SGCD: variants seen among roughly 807,000 people sequenced by gnomAD.
SGCD encodes delta-sarcoglycan.
A neutral mutation model predicts 36.6 loss-of-function variants in SGCD; 18 were observed. The ratio of observed to expected loss-of-function variants is 0.49; its 90% CI spans 0.34 to 0.73. The LOEUF (loss-of-function observed/expected upper bound fraction) is 0.73, where lower values mean the gene tolerates loss of function less well. SGCD is among the 30% of genes least tolerant of loss of function. The pLI is 0.01. For missense variants in SGCD, 387 were observed against 346.7 expected (o/e 1.12, Z -0.92); for synonymous variants, 133 against 130.6 (o/e 1.02, Z -0.12).
chr5:156,699,130 A>C (rs1754432769), intron 7 of SGCD, among the ~76,000 whole-genome samples: 1 of 152,192 alleles, frequency 6.6e-6, no homozygotes, highest in Non-Finnish European at 1.5e-5. Context: ...TTAGTGAAAG[A>C]GAGTTAAGGA....
the SGCD span, among the ~76,000 whole-genome samples, chr5:155,855,890 A>G: frequency 6.6e-6 from 1 of 152,144 alleles, no homozygotes. Context: ...TTTAGCAGGT[A>G]AGTACATTAA....
chr5:156,716,159 A>G (rs551918884), intron 7 of SGCD, among the ~76,000 whole-genome samples: 2 of 152,330 alleles, frequency 1.3e-5, no homozygotes, highest in South Asian at 2.1e-4. Flanking sequence ...ATACCCTGAC[A>G]TAAAATTCTG....
chr5:156,482,530 T>C (rs897508643), intron 3 of SGCD, among the ~76,000 whole-genome samples: 2 of 152,170 alleles, frequency 1.3e-5, no homozygotes, highest in Non-Finnish European at 2.9e-5. Context: ...ATCTCAAAAA[T>C]AGGGACAGTA....
chr5:156,567,393 G>A (rs1039910958), intron 4 of SGCD, among the ~76,000 whole-genome samples: 1 of 137,308 alleles, frequency 7.3e-6, no homozygotes, highest in African/African-American at 2.5e-5. Flanking sequence ...TAGATAGATA[G>A]ATAGATAGAT....
intron 3 of SGCD, among the ~76,000 whole-genome samples, chr5:156,412,614 A>G (rs1009771776): frequency 2.8e-4 from 43 of 152,234 alleles, no homozygotes; most frequent in African/African-American, 9.4e-4. Flanking sequence ...CATAGGTGCC[A>G]GTACTCAAAT....
At chr5:155,817,779 C>T in the SGCD span, among the ~76,000 whole-genome samples, 1 of 152,132 alleles carries the variant, frequency 6.6e-6, no homozygotes, top group South Asian at 2.1e-4. Flanking sequence ...GCTGCTGTCT[C>T]CGGTTGAAAC....
intron 1 of SGCD, among the ~76,000 whole-genome samples, chr5:155,993,504 C>A (rs1758477857): frequency 6.6e-6 from 1 of 151,962 alleles, no homozygotes; most frequent in Non-Finnish European, 1.5e-5. Context: ...CCACCACAGC[C>A]AGCTAATTTT....
intron 3 of SGCD, among the ~76,000 whole-genome samples, chr5:156,199,516 T>C (rs1171080121): frequency 2.0e-5 from 3 of 152,090 alleles, no homozygotes; most frequent in Non-Finnish European, 4.4e-5. Context: ...TTAGTAATGG[T>C]AGTAGAAGCA....
In SGCD at chr5:156,044,297, A is replaced by C. The variant is rs182731694; in HGVS notation, c.-281-73581A>C. ...GGCTGTTGAATGGAGTAAAATCAAA[A>C]AGTTGTATTTCTGTTTTGGCCCTAC... On this transcript the variant is annotated intron_variant, in intron 1 of 9. Transcript: ENST00000517913. Among the ~76,000 whole-genome samples, 90 of 152,252 alleles carry C rather than the reference A, an allele frequency of 5.9e-4. 1 individual carries two copies. The highest frequency in any genetic ancestry group is 2.1e-3 in the African/African-American group (87 of 41,550).
chr5:156,667,392 C>T lies in SGCD; in HGVS notation c.575+19856C>T, dbSNP rs142943755. ...TTCTCCCTTTTGAACAGTTTGCAAA[C>T]ATGTTCTGTAATTGTCTTCCTCTCT... On this transcript the variant is annotated intron_variant, in intron 7 of 8. Coordinates refer to ENST00000337851, the MANE Select transcript of SGCD (RefSeq NM_000337.6). 2.9e-4 allele frequency among the ~76,000 whole-genome samples: 44 copies of T among 152,256 alleles called. No individual in the cohort carries two copies. In the East Asian group the frequency reaches 7.7e-3, roughly 27 times the overall value.
In SGCD at chr5:156,594,992, T is replaced by G; in HGVS notation, c.443T>G (p.Leu148Trp). The change falls in exon 6 of 9, where the codon TTG becomes TGG. Residue 148 changes from leucine (L) to tryptophan (W), a missense_variant. Leu to Trp is a moderately conservative substitution (Grantham distance 61). Coordinates refer to ENST00000337851, the MANE Select transcript of SGCD (RefSeq NM_000337.6). ...GAGGTAAAAACTGTTTCTGGAAAAT[T>G]GCTCTTCTCTGCAGACAATAATGAA... ...KFEVKTVSGK[L>W]LFSADNNEVV... is the part of the protein sequence containing the mutation. 6.2e-7 allele frequency: 1 copy of G among 1,612,590 alleles called. No individual in the cohort carries two copies. Among genetic ancestry groups the G allele is most frequent in the Non-Finnish European group, 8.5e-7 (1 of 1,178,976 alleles).
chr5:156,464,105 C>T (rs149876400), intron 3 of SGCD, among the ~76,000 whole-genome samples: 27 of 152,048 alleles, frequency 1.8e-4, no homozygotes, highest in Admixed American at 7.2e-4. Context: ...GAAATAGTCA[C>T]TATTATGATA....
At chr5:155,971,097 T>C (rs10072761) in intron 1 of SGCD, among the ~76,000 whole-genome samples, 3,844 of 152,268 alleles carry the variant, frequency 0.025, 160 homozygotes, top group African/African-American at 0.082. Context: ...TATGAATTTT[T>C]TTCTTTAGAC....
At chr5:156,057,028 T>G (rs1373740102) in intron 1 of SGCD, among the ~76,000 whole-genome samples, 1 of 146,462 alleles carries the variant, frequency 6.8e-6, no homozygotes, top group Admixed American at 6.8e-5. Flanking sequence ...TAGTCATTAA[T>G]GCATTTAAAA....
intron 1 of SGCD, among the ~76,000 whole-genome samples, chr5:156,072,420 G>T (rs1438020199): frequency 2.0e-5 from 3 of 151,990 alleles, no homozygotes; most frequent in African/African-American, 7.3e-5. Flanking sequence ...GAAATTCTGG[G>T]TTGAAAATTC....
chr5:155,737,667 A>G, the SGCD span, among the ~76,000 whole-genome samples: 1 of 152,162 alleles, frequency 6.6e-6, no homozygotes, highest in Non-Finnish European at 1.5e-5. Flanking sequence ...GGCTAGTGGC[A>G]GAGCCAGTGT....
chr5:156,448,731 C>CTTTTTTTTTTTTTTTTT (rs1158844774), intron 3 of SGCD, among the ~76,000 whole-genome samples: 2 of 76,016 alleles, frequency 2.6e-5, no homozygotes, highest in Admixed American at 1.5e-4. Context: ...TTTTCTTTTT[C>CTTTTTTTTTTTTTTTTT]TTTTTTTTTT....
intron 3 of SGCD, among the ~76,000 whole-genome samples, chr5:156,479,107 T>C (rs1338209843): frequency 6.6e-6 from 1 of 152,178 alleles, no homozygotes; most frequent in Non-Finnish European, 1.5e-5. Flanking sequence ...TTTTTATTTT[T>C]TTCCTGAGAC....
intron 1 of SGCD, among the ~76,000 whole-genome samples, chr5:155,902,591 G>T (rs1321657032): frequency 6.6e-6 from 1 of 152,070 alleles, no homozygotes; most frequent in Non-Finnish European, 1.5e-5. Flanking sequence ...ACCCCAGTGT[G>T]GTCCCCTAGT....
Sources: allele counts gnomAD v4.1 joint callset (sites outside exome capture counted in the v4.1 genomes callset), GRCh38; gene constraint gnomAD v4.1.1; transcripts MANE v1.5; gene names NCBI Gene and HGNC (gene_info 2026-07-23, HGNC 2026-07-21).